Variants in RSPO4 observed in about 807,000 individuals in gnomAD.
RSPO4 encodes R-spondin 4.
A neutral mutation model predicts 24.8 loss-of-function variants in RSPO4; 23 were observed. The ratio of observed to expected loss-of-function variants is 0.93; its 90% CI spans 0.67 to 1.31. The LOEUF is 1.31. RSPO4 is among the 40% of genes most tolerant of loss of function. The probability of loss-of-function intolerance (pLI) is 0.00; values close to 1 mark genes in which losing one functional copy is unlikely to be tolerated. For synonymous variants in RSPO4, 141 were observed against 127.4 expected, an observed-to-expected ratio of 1.11 and a Z score of -0.72; for missense variants, 333 against 316.5, an observed-to-expected ratio of 1.05 and a Z score of -0.39.
chr20:997,170 C>T (rs1261257601), intron 1 of RSPO4, among the ~76,000 whole-genome samples: 1 of 152,214 alleles, frequency 6.6e-6, no homozygotes, highest in Non-Finnish European at 1.5e-5. Flanking sequence ...CCCACCTGCA[C>T]AGCTCCTGGC....
chr20:990,922 A>G (rs893571854), intron 1 of RSPO4, among the ~76,000 whole-genome samples: 4 of 152,348 alleles, frequency 2.6e-5, no homozygotes, highest in Middle Eastern at 6.8e-3. Flanking sequence ...GCAGGCTGTG[A>G]TCCTAGGGCA....
intron 1 of RSPO4, among the ~76,000 whole-genome samples, chr20:1,001,511 ACTT>A: frequency 6.6e-6 from 1 of 152,282 alleles, no homozygotes; most frequent in Non-Finnish European, 1.5e-5. Context: ...GAGGGGCTGG[ACTT>A]CTTCTAGGTC....
intron 1 of RSPO4, among the ~76,000 whole-genome samples, chr20:985,606 G>C (rs1984896807): frequency 6.6e-6 from 1 of 152,204 alleles, no homozygotes; most frequent in African/African-American, 2.4e-5. Flanking sequence ...ATATTTTGCT[G>C]TTCTAAAGAG....
intron 1 of RSPO4, among the ~76,000 whole-genome samples, chr20:995,833 T>G (rs935136312): frequency 6.6e-6 from 1 of 152,124 alleles, no homozygotes; most frequent in Non-Finnish European, 1.5e-5. Context: ...TCCAGCAGCC[T>G]CCACACTATT....
Position 985,046 on chromosome 20 carries a change from A to C in RSPO4, c.80-16908T>G, listed in dbSNP as rs111212244. ...ATCCACCAACCCATCTATCCATCCA[A>C]TCACCCACCCATCTATCCATCCACC... On this transcript the variant is annotated intron_variant, in intron 1 of 4. Coordinates refer to ENST00000217260, the MANE Select transcript of RSPO4 (RefSeq NM_001029871.4). 9.3e-3 allele frequency among the ~76,000 whole-genome samples: 526 copies of C among 56,360 alleles called. 1 individual carries two copies. Among genetic ancestry groups the C allele is most frequent in the African/African-American group, 0.041 (147 of 3,556 alleles). The allele number at this position is 56,360 out of a possible 152,430, so 37.0% of individuals were successfully genotyped here. A position where few individuals can be genotyped will look rare whatever the true frequency, so the allele number is the denominator to read the frequency against.
intron 1 of RSPO4, among the ~76,000 whole-genome samples, chr20:998,034 G>T (rs898781917): frequency 3.3e-5 from 5 of 152,240 alleles, no homozygotes; most frequent in African/African-American, 1.2e-4. Context: ...CAATTGCTCA[G>T]AGAGGTAGGT....
At chr20:995,635 A>C (rs1985255319) in intron 1 of RSPO4, among the ~76,000 whole-genome samples, 1 of 152,124 alleles carries the variant, frequency 6.6e-6, no homozygotes, top group South Asian at 2.1e-4. Flanking sequence ...AATTGTTTGG[A>C]GCTCCAGAGA....
chr20:978,715 A>C (rs1984645598), intron 1 of RSPO4, among the ~76,000 whole-genome samples: 1 of 152,138 alleles, frequency 6.6e-6, no homozygotes, highest in Non-Finnish European at 1.5e-5. Context: ...GACTGGAGAC[A>C]TCAGGGGTGG....
At chr20:963,245 C>T (rs771410074) in intron 4 of RSPO4, among the ~76,000 whole-genome samples, 3 of 152,196 alleles carry the variant, frequency 2.0e-5, no homozygotes, top group Non-Finnish European at 4.4e-5. Context: ...CATCGTGCCC[C>T]ACCCTCACGT....
chr20:989,315 C>T (rs1378272588), intron 1 of RSPO4, among the ~76,000 whole-genome samples: 1 of 152,174 alleles, frequency 6.6e-6, no homozygotes, highest in Non-Finnish European at 1.5e-5. Flanking sequence ...GGCCCTTTGA[C>T]CTCTCTGAGT....
chr20:981,359 T>C lies in RSPO4; in HGVS notation c.80-13221A>G, dbSNP rs1367048592. On this transcript the variant is annotated intron_variant, in intron 1 of 4. Transcript: ENST00000217260. The surrounding 1 kb of genome is among the most constrained non-coding windows in gnomAD (Gnocchi z 4.6). ...GGCCAACATGGCAAAACCCCGTCTC[T>C]ACTAAAAATACAAAAATCAGCTGGG... is the stretch of plus-strand genomic sequence containing the variant. 1.3e-5 allele frequency among the ~76,000 whole-genome samples: 2 copies of C among 152,062 alleles called. No homozygotes were observed. Among genetic ancestry groups the C allele is most frequent in the African/African-American group, 4.8e-5 (2 of 41,396 alleles).
intron 1 of RSPO4, among the ~76,000 whole-genome samples, chr20:985,232 T>A (rs1265512178): frequency 1.8e-5 from 2 of 111,668 alleles, no homozygotes; most frequent in Non-Finnish European, 3.4e-5. Flanking sequence ...CACCCACCCA[T>A]ATATCCATCC....
At chr20:967,126 C>G in intron 3 of RSPO4, 48 bp downstream of exon 3, 1 of 1,592,644 alleles carries the variant, frequency 6.3e-7, no homozygotes, top group Non-Finnish European at 8.6e-7. Flanking sequence ...AGCCCCCGCT[C>G]CAGGGAGAGG....
intron 3 of RSPO4, among the ~76,000 whole-genome samples, chr20:964,619 A>G (rs73577400): frequency 0.036 from 5,415 of 151,822 alleles, 244 homozygotes; most frequent in African/African-American, 0.1. Context: ...TTTGGAAGGA[A>G]GAAAAAGGAG....
chr20:977,045 G>T (rs1324042569), intron 1 of RSPO4, among the ~76,000 whole-genome samples: 1 of 152,158 alleles, frequency 6.6e-6, no homozygotes, highest in Admixed American at 6.6e-5. Flanking sequence ...AAGGTCAGCT[G>T]CCCTATGTTA....
At chr20:976,108 T>C (rs993889126) in intron 1 of RSPO4, among the ~76,000 whole-genome samples, 4 of 152,080 alleles carry the variant, frequency 2.6e-5, no homozygotes, top group African/African-American at 4.8e-5. Context: ...ATCTGAAAAA[T>C]TGTGGCAGCA....
In RSPO4 at chr20:981,412, C is replaced by A. The variant is rs986340104; in HGVS notation, c.80-13274G>T. Among the ~76,000 whole-genome samples the A allele has an allele frequency of 2.6e-5, 4 of 152,182 alleles. No individual in the cohort carries two copies. Among genetic ancestry groups the A allele is most frequent in the Non-Finnish European group, 4.4e-5 (3 of 68,024 alleles). On this transcript the variant is annotated intron_variant, in intron 1 of 4. Transcript: ENST00000217260. This position sits in a 1 kb window ranked among gnomAD's most constrained non-coding sequence, Gnocchi z 4.6. The stretch of plus-strand genomic sequence containing the variant: ...TGGTGGTGCACACCTGTAATCCCAG[C>A]TACTCAGGTGGCTGAGGCATGAGAA...
intron 3 of RSPO4, among the ~76,000 whole-genome samples, chr20:966,426 T>C (rs1984197548): frequency 6.6e-6 from 1 of 151,960 alleles, no homozygotes; most frequent in East Asian, 1.9e-4. Context: ...TTCCTCCCCA[T>C]GAGGTAGGCT....
At chr20:973,157 T>TG (rs1182030283) in intron 1 of RSPO4, among the ~76,000 whole-genome samples, 2 of 148,938 alleles carry the variant, frequency 1.3e-5, no homozygotes, top group Non-Finnish European at 3.0e-5. Flanking sequence ...AGGCAGAGCC[T>TG]GGGGCCATGG....
Sources: gnomAD v4.1 joint callset for allele counts (sites outside exome capture counted in the v4.1 genomes callset) on GRCh38, gnomAD v4.1.1 for gene constraint, Gnocchi (gnomAD v3.1) non-coding constraint, MANE v1.5 for transcripts, NCBI Gene and HGNC (gene_info 2026-07-23, HGNC 2026-07-21) for gene names.